Variants in MGAT4C observed in about 807,000 individuals in gnomAD.
MGAT4C encodes alpha-1,3-mannosyl-glycoprotein 4-beta-N-acetylglucosaminyltransferase C.
In MGAT4C, 19 loss-of-function variants were observed where a neutral mutation model predicts 40.1. The observed-to-expected ratio is 0.47, with a 90% CI of 0.33 to 0.70. MGAT4C has a LOEUF of 0.70. MGAT4C is among the 30% of genes least tolerant of loss of function. The pLI is 0.02. For missense variants in MGAT4C, 491 were observed against 563.2 expected (o/e 0.87, Z 1.30); for synonymous variants, 181 against 187.1 (o/e 0.97, Z 0.27).
intron 1 of MGAT4C, among the ~76,000 whole-genome samples, chr12:86,223,798 C>G (rs1458832602): frequency 1.3e-5 from 2 of 152,180 alleles, no homozygotes; most frequent in African/African-American, 4.8e-5. Context: ...TCCGGCAAAC[C>G]CAACTTGCCC....
chr12:86,120,003 C>T (rs1879111093), intron 1 of MGAT4C, among the ~76,000 whole-genome samples: 1 of 151,576 alleles, frequency 6.6e-6, no homozygotes, highest in Non-Finnish European at 1.5e-5. Context: ...TCACATTATT[C>T]AAATCTTATT....
chr12:86,512,673 C>G (rs999219984), intron 2 of MGAT4C, among the ~76,000 whole-genome samples: 10 of 151,936 alleles, frequency 6.6e-5, no homozygotes, highest in African/African-American at 2.4e-4. Flanking sequence ...GTGGAATTAG[C>G]CAGTCACAGG....
chr12:86,354,968 T>A (rs1035103494), intron 3 of MGAT4C, among the ~76,000 whole-genome samples: 4 of 152,212 alleles, frequency 2.6e-5, no homozygotes, highest in African/African-American at 9.6e-5. Flanking sequence ...CACTGCTGGC[T>A]GGGGGCGGCC....
At chr12:86,497,519 T>C (rs565222053) in intron 2 of MGAT4C, among the ~76,000 whole-genome samples, 1 of 152,012 alleles carries the variant, frequency 6.6e-6, no homozygotes, top group East Asian at 1.9e-4. Flanking sequence ...GAAATGGATT[T>C]TGACCCCCTT....
chr12:86,547,429 T>C (rs539819994), intron 2 of MGAT4C, among the ~76,000 whole-genome samples: 131 of 152,200 alleles, frequency 8.6e-4, no homozygotes, highest in African/African-American at 3.0e-3. Context: ...TAAATGTTTT[T>C]AAAAAATATA....
intron 2 of MGAT4C, among the ~76,000 whole-genome samples, chr12:86,671,549 A>C (rs767358217): frequency 2.6e-5 from 4 of 152,212 alleles, no homozygotes; most frequent in Non-Finnish European, 4.4e-5. Context: ...TCTGTTGCCT[A>C]TAAGAAACAC....
intron 2 of MGAT4C, among the ~76,000 whole-genome samples, chr12:86,010,790 G>A (rs541922614): frequency 1.3e-5 from 2 of 152,280 alleles, no homozygotes; most frequent in South Asian, 4.1e-4. Flanking sequence ...TGGATCATGA[G>A]GCTTCTGCCC....
At chr12:86,126,844 C>G (rs1880356184) in intron 1 of MGAT4C, among the ~76,000 whole-genome samples, 1 of 152,026 alleles carries the variant, frequency 6.6e-6, no homozygotes, top group African/African-American at 2.4e-5. Context: ...CACCTGGGAC[C>G]GGTTTTGGGG....
At chr12:86,700,158 C>CAGAT (rs1372373806) in intron 2 of MGAT4C, among the ~76,000 whole-genome samples, 413 of 26,848 alleles carry the variant, frequency 0.015, no homozygotes, top group Non-Finnish European at 0.023. Flanking sequence ...GACAGACAGA[C>CAGAT]AGACAGACAG....
intron 2 of MGAT4C, among the ~76,000 whole-genome samples, chr12:86,541,799 A>T (rs1405390616): frequency 6.6e-6 from 1 of 152,072 alleles, no homozygotes; most frequent in Non-Finnish European, 1.5e-5. Flanking sequence ...CCTGATTTTC[A>T]CTCCCACCTT....
At chr12:86,060,126 G>A (rs1592812839) in intron 1 of MGAT4C, among the ~76,000 whole-genome samples, 2 of 152,098 alleles carry the variant, frequency 1.3e-5, no homozygotes, top group East Asian at 3.9e-4. Flanking sequence ...TGAAGAACTT[G>A]GGGTATGACA....
chr12:86,610,366 G>A (rs2136473664), intron 2 of MGAT4C, among the ~76,000 whole-genome samples: 1 of 152,198 alleles, frequency 6.6e-6, no homozygotes, highest in Admixed American at 6.5e-5. Flanking sequence ...GAGATGCGTA[G>A]TCAAACCACA....
intron 1 of MGAT4C, among the ~76,000 whole-genome samples, chr12:86,182,467 T>G (rs540506533): frequency 5.1e-4 from 78 of 152,294 alleles, no homozygotes; most frequent in African/African-American, 1.8e-3. Flanking sequence ...TCACATGTGC[T>G]AATGGTAAAT....
At chr12:86,380,028 T>A (rs1955899559) in intron 3 of MGAT4C, among the ~76,000 whole-genome samples, 1 of 152,084 alleles carries the variant, frequency 6.6e-6, no homozygotes, top group Non-Finnish European at 1.5e-5. Context: ...TGTGGCGATA[T>A]CCTAGGTATT....
chr12:86,795,481 C>T lies in MGAT4C; in HGVS notation c.-262+43185G>A, dbSNP rs1952098621. On this transcript the variant is annotated intron_variant, in intron 1 of 7. Coordinates refer to the MGAT4C transcript ENST00000548651. ...TCTTTAGCATTTCATTGTCTTTAAC[C>T]TCCACAAGTGACATCAGGTTTTAAA... Among the ~76,000 whole-genome samples, 6 of 151,902 alleles carry T rather than the reference C, an allele frequency of 3.9e-5. No individual in the cohort carries two copies. In the South Asian group the frequency reaches 1.2e-3, roughly 32 times the overall value.
intron 3 of MGAT4C, among the ~76,000 whole-genome samples, chr12:86,411,471 T>C (rs1259302659): frequency 2.0e-5 from 3 of 152,318 alleles, no homozygotes; most frequent in South Asian, 4.1e-4. Flanking sequence ...AACTAGGGGT[T>C]TGTGGAACTT....
At chr12:86,784,366 T>C (rs943381096) in intron 1 of MGAT4C, among the ~76,000 whole-genome samples, 2 of 152,102 alleles carry the variant, frequency 1.3e-5, no homozygotes, top group Non-Finnish European at 2.9e-5. Context: ...CCTTCATTAC[T>C]CTTGTATTTT....
intron 1 of MGAT4C, among the ~76,000 whole-genome samples, chr12:86,738,020 A>T (rs1484497310): frequency 6.6e-6 from 1 of 151,584 alleles, no homozygotes; most frequent in East Asian, 1.9e-4. Flanking sequence ...AAAGGCTTTA[A>T]TTGATCACTG....
intron 2 of MGAT4C, among the ~76,000 whole-genome samples, chr12:86,574,368 T>C (rs774787074): frequency 1.3e-5 from 2 of 151,818 alleles, no homozygotes; most frequent in Non-Finnish European, 2.9e-5. Flanking sequence ...GCACCTGACA[T>C]AGGGCCCCAG....
Sources: allele counts gnomAD v4.1 joint callset (sites outside exome capture counted in the v4.1 genomes callset), GRCh38; gene constraint gnomAD v4.1.1; transcripts MANE v1.5; gene names NCBI Gene and HGNC (gene_info 2026-07-23, HGNC 2026-07-21).